Variants in CALB1 observed in about 807,000 individuals in gnomAD.
CALB1 encodes the protein calbindin 1.
Under a neutral mutation model 46.7 loss-of-function variants are expected in CALB1, and 16 were observed. The ratio of observed to expected loss-of-function variants is 0.34; its 90% CI spans 0.23 to 0.52. The LOEUF (loss-of-function observed/expected upper bound fraction) is 0.52, where lower values mean the gene tolerates loss of function less well. Among genes scored for constraint, CALB1 ranks in the 20% least tolerant of loss-of-function variants. CALB1 has a pLI of 0.95. For missense variants in CALB1, 224 were observed against 300.3 expected (o/e 0.75, Z 1.88); for synonymous variants, 90 against 112.8 (o/e 0.80, Z 1.28).
At chr8:90,074,921 C>T (rs1275236639) in intron 3 of CALB1, among the ~76,000 whole-genome samples, 1 of 152,136 alleles carries the variant, frequency 6.6e-6, no homozygotes, top group Non-Finnish European at 1.5e-5. Flanking sequence ...CTATTATCTG[C>T]TAAATCATTA....
At chr8:90,068,869 G>A (rs1563677519) in intron 5 of CALB1, 129 bp downstream of exon 5, 2 of 620,356 alleles carry the variant, frequency 3.2e-6, no homozygotes, top group East Asian at 5.6e-5. Context: ...CAATGTCGAA[G>A]AGTAGGTGAA....
At chr8:90,063,663 AG>A (rs1304016081) in intron 6 of CALB1, 4 of 520,522 alleles carry the variant, frequency 7.7e-6, no homozygotes, top group Non-Finnish European at 1.4e-5. Context: ...AGGATAATAT[AG>A]AATAGTCAAA....
intron 3 of CALB1, 49 bp from the exon 4 acceptor site, chr8:90,069,286 C>T (rs1269072558): frequency 7.1e-7 from 1 of 1,410,786 alleles, no homozygotes; most frequent in Non-Finnish European, 1.0e-6. Flanking sequence ...TGCTCAAAAA[C>T]AAGTCTCTGC....
At chr8:90,061,255 A>T (rs1814291785) in intron 9 of CALB1, 1 of 152,356 alleles carries the variant, frequency 6.6e-6, no homozygotes, top group Non-Finnish European at 1.5e-5. Flanking sequence ...GTCTCAAAGC[A>T]GGTAAATGAT....
intron 6 of CALB1, chr8:90,064,186 C>T (rs142070196): frequency 6.6e-6 from 1 of 151,752 alleles, no homozygotes; most frequent in East Asian, 1.9e-4. Flanking sequence ...TTTTAAAGAA[C>T]AGAATGTGTC....
At chr8:90,074,111 T>C (rs567275123) in intron 3 of CALB1, among the ~76,000 whole-genome samples, 1 of 152,148 alleles carries the variant, frequency 6.6e-6, no homozygotes, top group African/African-American at 2.4e-5. Flanking sequence ...TTATCAAAAA[T>C]GTAAAGCTCT....
At chr8:90,067,404 A>G (rs962402651) in intron 5 of CALB1, among the ~76,000 whole-genome samples, 5 of 152,166 alleles carry the variant, frequency 3.3e-5, no homozygotes, top group Admixed American at 6.5e-5. Context: ...CAGTATTGGA[A>G]ATGAGCTAAG....
chr8:90,067,435 A>C (rs3026292), intron 5 of CALB1, among the ~76,000 whole-genome samples: 3 of 152,168 alleles, frequency 2.0e-5, no homozygotes, highest in Non-Finnish European at 4.4e-5. Context: ...TGAACTAAAA[A>C]GGATCTTTAA....
intron 9 of CALB1, chr8:90,061,483 T>C (rs1017110925): frequency 6.6e-6 from 1 of 152,122 alleles, no homozygotes; most frequent in African/African-American, 2.4e-5. Context: ...GAGAAAACCC[T>C]AAAGACCTCA....
intron 3 of CALB1, among the ~76,000 whole-genome samples, chr8:90,072,924 T>C (rs1814559739): frequency 6.6e-6 from 1 of 152,204 alleles, no homozygotes; most frequent in Admixed American, 6.5e-5. Context: ...GGAAGGCAGG[T>C]AGCTAAGGAA....
rs1280588104 is a variant in CALB1, at chr8:90,082,028, A to G, written c.154T>C (p.Leu52=). ...ELQQARKKAG[L]ELSPEMKTFV... Reference sequence around the variant, plus strand: ...CTTTTTCGCAAACTTGAACCTACCAATCCAGCCTTCTTTCGCGCCTGCTGG... The same window carrying G: ...CTTTTTCGCAAACTTGAACCTACCAGTCCAGCCTTCTTTCGCGCCTGCTGG... The change falls in exon 2 of 11, where the codon TTG becomes CTG. Residue 52 remains leucine (L), a splice_region_variant and synonymous_variant. Transcript: ENST00000265431. 1 of 1,613,412 alleles carries G rather than the reference A, an allele frequency of 6.2e-7. No homozygotes were observed. Among genetic ancestry groups the G allele is most frequent in the Admixed American group, 1.7e-5 (1 of 59,972 alleles).
intron 1 of CALB1, 126 bp from the exon 2 acceptor site, chr8:90,082,228 C>G: frequency 1.2e-6 from 1 of 801,150 alleles, no homozygotes; most frequent in South Asian, 1.6e-5. Flanking sequence ...GTTGATTAAC[C>G]AGCAAAGTGT....
At chr8:90,067,779 T>A (rs964274845) in intron 5 of CALB1, among the ~76,000 whole-genome samples, 4 of 152,154 alleles carry the variant, frequency 2.6e-5, no homozygotes, top group African/African-American at 9.7e-5. Context: ...TGGGGAATCA[T>A]TCTTAGCATT....
At chr8:90,062,916 G>T in intron 9 of CALB1, 184 bp downstream of exon 9, 2 of 500,896 alleles carry the variant, frequency 4.0e-6, no homozygotes, top group Non-Finnish European at 3.5e-6. Context: ...AAGGAGAAAT[G>T]ACGAGTTACT....
chr8:90,079,571 C>A (rs1814687425), intron 2 of CALB1, among the ~76,000 whole-genome samples: 3 of 151,870 alleles, frequency 2.0e-5, no homozygotes, highest in Admixed American at 6.6e-5. Context: ...AAAACCAAAG[C>A]ATCTGTCCTT....
At chr8:90,062,925 C>T in intron 9 of CALB1, 175 bp downstream of exon 9, 1 of 509,136 alleles carries the variant, frequency 2.0e-6, no homozygotes, top group Non-Finnish European at 3.5e-6. Context: ...TGACGAGTTA[C>T]TCATCAATGG....
In CALB1 at chr8:90,063,453, T is replaced by C; in HGVS notation, c.459A>G (p.Leu153=). The C allele has an allele frequency of 6.2e-7, 1 of 1,610,192 alleles. No individual in the cohort carries two copies. Reference sequence around the variant, plus strand: ...GCTTCCCATCATTATTTGAATCAAATAGTTTCAGCTGAAAGACAGAATGCC... The same window carrying C: ...GCTTCCCATCATTATTTGAATCAAACAGTTTCAGCTGAAAGACAGAATGCC... ...LAEYTDLMLK[L]FDSNNDGKLE... Residue 153 remains leucine, a synonymous_variant, in exon 7 of 11, where the codon CTA becomes CTG. Coordinates refer to ENST00000265431, the MANE Select transcript of CALB1 (RefSeq NM_004929.4).
At chr8:90,061,471 G>C (rs1169607190) in intron 9 of CALB1, 1 of 152,108 alleles carries the variant, frequency 6.6e-6, no homozygotes, top group Non-Finnish European at 1.5e-5. Context: ...TATTTTTATA[G>C]AGAGAAAACC....
At chr8:90,066,882 A>G (rs1210953539) in intron 5 of CALB1, among the ~76,000 whole-genome samples, 2 of 152,106 alleles carry the variant, frequency 1.3e-5, no homozygotes, top group Non-Finnish European at 2.9e-5. Context: ...TACTGTGCCC[A>G]GATATTATTG....
Sources: allele counts gnomAD v4.1 joint callset (sites outside exome capture counted in the v4.1 genomes callset), GRCh38; gene constraint gnomAD v4.1.1; transcripts MANE v1.5; gene names NCBI Gene and HGNC (gene_info 2026-07-23, HGNC 2026-07-21).